ANKS4B: variants seen among roughly 807,000 people sequenced by gnomAD.
ANKS4B encodes the protein ankyrin repeat and sterile alpha motif domain containing 4B.
Under a neutral mutation model 20.2 loss-of-function variants are expected in ANKS4B, and 21 were observed. That is an observed-to-expected ratio of 1.04 (90% CI 0.74 to 1.50). The LOEUF (loss-of-function observed/expected upper bound fraction) is 1.50. ANKS4B is among the 40% of genes most tolerant of loss of function. ANKS4B has a pLI of 0.00. For missense variants in ANKS4B, 473 were observed against 494.6 expected, an observed-to-expected ratio of 0.96 and a Z score of 0.41; for synonymous variants, 179 against 194.5, an observed-to-expected ratio of 0.92 and a Z score of 0.66.
rs371032374 is a variant in ANKS4B at position 21,251,825 on chromosome 16, C to T, written c.*1005C>T. 20 of 151,988 alleles carry T rather than the reference C, an allele frequency of 1.3e-4. No homozygotes were observed. The highest frequency in any genetic ancestry group is 4.4e-4 in the African/African-American group (18 of 41,376). The allele number at this position is 151,988 out of a possible 1,614,324, so 9.4% of individuals were successfully genotyped here. A position where few individuals can be genotyped will look rare whatever the true frequency, so the allele number is the denominator to read the frequency against. On this transcript the variant is annotated 3_prime_UTR_variant, in exon 2 of 2. Transcript: ENST00000311620. ...AAATTCATATGTTGGAGCTCTAACC[C>T]CTAATGTGACTGTAATTGGAAATAA... is the stretch of plus-strand genomic sequence containing the variant.
In ANKS4B at chr16:21,250,332, G is replaced by A. The variant is rs950785962; in HGVS notation, c.766G>A (p.Glu256Lys). 4 of 1,614,096 alleles carry A rather than the reference G, an allele frequency of 2.5e-6. No individual in the cohort carries two copies. Among genetic ancestry groups the A allele is most frequent in the African/African-American group, 1.3e-5 (1 of 74,936 alleles). ...AGAGAAGCTCCAGTTGTCAGCAGAG[G>A]AGGACGGCAGTGTGCACCATGAATC... ...FKEKLQLSAE[E>K]DGSVHHESIL... The change falls in exon 2 of 2, where the codon GAG (glutamate) becomes AAG (lysine). Residue 256 changes from glutamate (E) to lysine (K), a missense_variant. By Grantham distance (56) the Glu-to-Lys change is moderately conservative. Coordinates refer to ENST00000311620, the MANE Select transcript of ANKS4B (RefSeq NM_145865.3).
In ANKS4B at chr16:21,250,687, T is replaced by TG; in HGVS notation, c.1122dup (p.Leu375AlafsTer5). 6.2e-7 allele frequency: 1 copy of TG among 1,613,656 alleles called. No individual in the cohort carries two copies. Among genetic ancestry groups the TG allele is most frequent in the Non-Finnish European group, 8.5e-7 (1 of 1,179,506 alleles). ...AGAGAGCAGATTGATCTAGAAGCTC[T>TG]GCTGCTCTGCTCTGATGAGGACCTT... On this transcript the variant is annotated frameshift_variant, in exon 2 of 2. Coordinates refer to ENST00000311620, the MANE Select transcript of ANKS4B (RefSeq NM_145865.3). LOFTEE classifies it high-confidence loss of function.
At chr16:21,243,781 GC>G (rs1471042029) in intron 1 of ANKS4B, 1 of 152,220 alleles carries the variant, frequency 6.6e-6, no homozygotes, top group Non-Finnish European at 1.5e-5. Flanking sequence ...CACCATGTTA[GC>G]CAGGATGGTC....
In ANKS4B at chr16:21,249,774, C is replaced by T. The variant is rs761266418; in HGVS notation, c.208C>T (p.His70Tyr). 1.2e-6 allele frequency: 2 copies of T among 1,614,160 alleles called. No homozygotes were observed. Among genetic ancestry groups the T allele is most frequent in the East Asian group, 2.2e-5 (1 of 44,890 alleles). The change falls in exon 2 of 2, where the codon CAT becomes TAT. Residue 70 changes from histidine to tyrosine, a missense_variant. His to Tyr is a moderately conservative substitution (Grantham distance 83). Coordinates refer to ENST00000311620, the MANE Select transcript of ANKS4B (RefSeq NM_145865.3). Reference sequence around the variant, plus strand: ...TGACATCTGGGGAAACACTCCTCTACATTTTGCAGCCTCCAATGGCCATGC... The same window carrying T: ...TGACATCTGGGGAAACACTCCTCTATATTTTGCAGCCTCCAATGGCCATGC... ...RCDIWGNTPL[H>Y]FAASNGHAHC...
At chr16:21,243,664 T>C (rs148577343) in intron 1 of ANKS4B, among the ~76,000 whole-genome samples, 13,134 of 152,128 alleles carry the variant, frequency 0.086, 919 homozygotes, top group East Asian at 0.43. Context: ...CTCCGCCTCC[T>C]GGGTTCACGC....
chr16:21,238,941 G>A (rs1304936909), intron 1 of ANKS4B: 1 of 152,104 alleles, frequency 6.6e-6, no homozygotes, highest in African/African-American at 2.4e-5. Context: ...CAGGCCTGAT[G>A]TAGGCTAAAA....
intron 1 of ANKS4B, among the ~76,000 whole-genome samples, chr16:21,242,467 T>C (rs1016747344): frequency 6.6e-6 from 1 of 152,346 alleles, no homozygotes; most frequent in Non-Finnish European, 1.5e-5. Context: ...ATTACAGGCA[T>C]GAGCCACTGC....
chr16:21,233,965 C>G, intron 1 of ANKS4B, 64 bp downstream of exon 1: 1 of 1,463,574 alleles, frequency 6.8e-7, no homozygotes, highest in Non-Finnish European at 9.4e-7. Context: ...CAGACAGCAG[C>G]AAGAGGCAGG....
intron 1 of ANKS4B, among the ~76,000 whole-genome samples, chr16:21,241,730 A>G (rs185764877): frequency 8.5e-5 from 13 of 152,258 alleles, no homozygotes; most frequent in Admixed American, 2.0e-4. Context: ...TATTTTTATT[A>G]ATTAACAAAA....
intron 1 of ANKS4B, among the ~76,000 whole-genome samples, chr16:21,234,501 C>CACAT (rs2093317799): frequency 6.6e-6 from 1 of 151,318 alleles, no homozygotes; most frequent in East Asian, 2.0e-4. Context: ...CACACACACA[C>CACAT]ACACACACAC....
intron 1 of ANKS4B, chr16:21,238,807 C>T (rs1162468066): frequency 6.6e-6 from 1 of 152,144 alleles, no homozygotes; most frequent in Non-Finnish European, 1.5e-5. Context: ...GCTATGGGTG[C>T]AAATATTCTT....
intron 1 of ANKS4B, among the ~76,000 whole-genome samples, chr16:21,247,134 C>T (rs1243267408): frequency 6.7e-6 from 1 of 149,550 alleles, no homozygotes; most frequent in East Asian, 2.0e-4. Context: ...GGTGTGATCT[C>T]GGCTCACTGC....
chr16:21,246,969 T>G (rs2093333055), intron 1 of ANKS4B, among the ~76,000 whole-genome samples: 1 of 152,204 alleles, frequency 6.6e-6, no homozygotes, highest in Non-Finnish European at 1.5e-5. Context: ...GAAGTTCTTT[T>G]CAATCTGTAG....
In ANKS4B at chr16:21,250,163, G is replaced by A. The variant is rs770453879; in HGVS notation, c.597G>A (p.Lys199=). 10 of 1,613,972 alleles carry A rather than the reference G, an allele frequency of 6.2e-6. No homozygotes were observed. In the Admixed American group the frequency reaches 1.7e-4, roughly 27 times the overall value. ...CTGGCACATTCGGGTCACTATCTAAGGGCATTAAAGACACTTTCAAGATCA... is the reference window on the plus strand; with the variant it reads ...CTGGCACATTCGGGTCACTATCTAAAGGCATTAAAGACACTTTCAAGATCA... ...SAPGTFGSLS[K]GIKDTFKIKF... Residue 199 remains lysine (K), a synonymous_variant, in exon 2 of 2, where the codon AAG becomes AAA. Transcript: ENST00000311620.
rs1215053208 is a variant in ANKS4B, at chr16:21,251,829, AT to A, written c.*1010del. The A allele has an allele frequency of 6.6e-6, 1 of 152,196 alleles. No individual in the cohort carries two copies. Among genetic ancestry groups the A allele is most frequent in the East Asian group, 1.9e-4 (1 of 5,204 alleles). The allele number at this position is 152,196 out of a possible 1,614,324, so 9.4% of individuals were successfully genotyped here. A position where few individuals can be genotyped will look rare whatever the true frequency, so the allele number is the denominator to read the frequency against. On this transcript the variant is annotated 3_prime_UTR_variant, in exon 2 of 2. Coordinates refer to ENST00000311620, the MANE Select transcript of ANKS4B (RefSeq NM_145865.3). The stretch of plus-strand genomic sequence containing the variant: ...TCATATGTTGGAGCTCTAACCCCTA[AT>A]GTGACTGTAATTGGAAATAAGACCT...
chr16:21,238,441 A>G (rs1302965201), intron 1 of ANKS4B, among the ~76,000 whole-genome samples: 2 of 150,918 alleles, frequency 1.3e-5, no homozygotes, highest in African/African-American at 2.4e-5. Flanking sequence ...CACAATTTAT[A>G]TTTTTGACAA....
chr16:21,250,980 A>G lies in ANKS4B; in HGVS notation c.*160A>G. 1.1e-6 allele frequency: 1 copy of G among 948,146 alleles called. No homozygotes were observed. The highest frequency in any genetic ancestry group is 2.9e-5 in the Admixed American group (1 of 34,074). The allele number at this position is 948,146 out of a possible 1,614,324, so 58.7% of individuals were successfully genotyped here. ...AGACCCAAACTTTACTCTGGGAGGT[A>G]GGCTATGCCCATCCAAATAAATCTC... On this transcript the variant is annotated 3_prime_UTR_variant, in exon 2 of 2. Transcript: ENST00000311620.
At chr16:21,248,889 G>A (rs1367274463) in intron 1 of ANKS4B, among the ~76,000 whole-genome samples, 2 of 152,122 alleles carry the variant, frequency 1.3e-5, no homozygotes, top group African/African-American at 4.8e-5. Context: ...ATAATGGTAC[G>A]CTACTGTGTA....
chr16:21,240,106 T>A (rs1428662152), intron 1 of ANKS4B, among the ~76,000 whole-genome samples: 1 of 152,228 alleles, frequency 6.6e-6, no homozygotes, highest in Non-Finnish European at 1.5e-5. Flanking sequence ...ATTAAAACTC[T>A]GGCTTTGTTA....
Sources: gnomAD v4.1 joint callset for allele counts (sites outside exome capture counted in the v4.1 genomes callset) on GRCh38, gnomAD v4.1.1 for gene constraint, MANE v1.5 for transcripts, NCBI Gene and HGNC (gene_info 2026-07-23, HGNC 2026-07-21) for gene names.